TRAF3IP3: variants seen among roughly 807,000 people sequenced by gnomAD.
The protein encoded by TRAF3IP3 is TRAF3-interacting JNK-activating modulator.
TRAF3IP3 carries 64 observed loss-of-function variants against 86.5 expected under a neutral mutation model. The ratio of observed to expected loss-of-function variants is 0.74; its 90% CI spans 0.60 to 0.91. The LOEUF (loss-of-function observed/expected upper bound fraction) is 0.91, where lower values mean the gene tolerates loss of function less well. Among genes scored for constraint, TRAF3IP3 ranks in the 40% least tolerant of loss-of-function variants. The probability of loss-of-function intolerance (pLI) is 0.00; values close to 1 mark genes in which losing one functional copy is unlikely to be tolerated. For synonymous variants in TRAF3IP3, 220 were observed against 243.9 expected (o/e 0.90, Z 0.91); for missense variants, 579 against 642.9 (o/e 0.90, Z 1.07).
At chr1:209,779,135 T>G (rs571611973) in intron 13 of TRAF3IP3, 180 bp from the exon 14 acceptor site, 1 of 603,886 alleles carries the variant, frequency 1.7e-6, no homozygotes, top group African/African-American at 1.9e-5. Context: ...TATCTCCAAA[T>G]AAGGTCATTA....
At position 209,777,993 on chromosome 1, in the gene TRAF3IP3, C is replaced by A. The variant is rs961758270; in HGVS notation, c.1190-118C>A. On this transcript the variant is annotated intron_variant, in intron 12 of 16. Coordinates refer to ENST00000367025, the MANE Select transcript of TRAF3IP3 (RefSeq NM_025228.4). The stretch of plus-strand genomic sequence containing the variant: ...TGGGACACGAAGATAGAGCAACTTC[C>A]AATAGACACACGTTAAAGACCATGA... 2.0e-5 allele frequency: 18 copies of A among 896,168 alleles called. 1 individual carries two copies. In the South Asian group the frequency reaches 2.9e-4, roughly 15 times the overall value. The allele number at this position is 896,168 out of a possible 1,614,324, so 55.5% of individuals were successfully genotyped here. A position where few individuals can be genotyped will look rare whatever the true frequency, so the allele number is the denominator to read the frequency against.
rs750785668 is a variant in TRAF3IP3, at chr1:209,775,458, T to C, written c.884T>C (p.Met295Thr). ...ESLQKVLEEK[M>T]NAEQQLQSTQ... ...CTGCAGAAAGTGCTGGAGGAGAAAA[T>C]GAATGCAGAGCAGCAACTACAGAGC... The change falls in exon 10 of 17, where the codon ATG becomes ACG. Residue 295 changes from methionine to threonine, a missense_variant. Met to Thr is a moderately conservative substitution (Grantham distance 81). Coordinates refer to ENST00000367025, the MANE Select transcript of TRAF3IP3 (RefSeq NM_025228.4). 6.2e-7 allele frequency: 1 copy of C among 1,613,952 alleles called. No homozygotes were observed.
At position 209,777,635 on chromosome 1, in the gene TRAF3IP3, G is replaced by A. The variant is rs945485240; in HGVS notation, c.1189+148G>A. 4 of 818,822 alleles carry A rather than the reference G, an allele frequency of 4.9e-6. No individual in the cohort carries two copies. In the Admixed American group the frequency reaches 9.1e-5, roughly 19 times the overall value. 50.7% of individuals were successfully genotyped at this position (818,822 alleles called of 1,614,324 possible). On this transcript the variant is annotated intron_variant, in intron 12 of 16. Transcript: ENST00000367025. ...TTTATAATCTCATTTTACCTTGAGG[G>A]AGAGGCAGGACTGTTTTAATCATCC...
intron 11 of TRAF3IP3, 151 bp downstream of exon 11, chr1:209,775,887 G>A (rs1390351111): frequency 1.4e-6 from 1 of 693,136 alleles, no homozygotes; most frequent in Non-Finnish European, 2.3e-6. Flanking sequence ...CAAATTCACT[G>A]TTTTGGCTCT....
At chr1:209,764,991 A>G (rs1378489735) in intron 8 of TRAF3IP3, among the ~76,000 whole-genome samples, 4 of 152,162 alleles carry the variant, frequency 2.6e-5, no homozygotes, top group Non-Finnish European at 5.9e-5. Context: ...CCCGGCCAAC[A>G]TGGCAAAACC....
intron 8 of TRAF3IP3, among the ~76,000 whole-genome samples, chr1:209,764,297 G>A (rs1277730498): frequency 1.3e-5 from 2 of 151,972 alleles, no homozygotes; most frequent in Non-Finnish European, 2.9e-5. Flanking sequence ...ACAAAAACAT[G>A]AAAAATAAAA....
At position 209,772,970 on chromosome 1, in the gene TRAF3IP3, T is replaced by C; in HGVS notation, c.725T>C (p.Leu242Pro). The C allele has an allele frequency of 6.2e-7, 1 of 1,613,932 alleles. No individual in the cohort carries two copies. The highest frequency in any genetic ancestry group is 8.5e-7 in the Non-Finnish European group (1 of 1,179,932). Reference sequence around the variant, plus strand: ...CAGGGACAGCTTAATGAAGACAAACTGAAGGGGAAACTGAGATCCTTAGAA... The same window carrying C: ...CAGGGACAGCTTAATGAAGACAAACCGAAGGGGAAACTGAGATCCTTAGAA... ...SWKGQLNEDKLKGKLRSLENQ... is the reference protein window; with the variant it reads ...SWKGQLNEDKPKGKLRSLENQ... The change falls in exon 9 of 17, where the codon CTG (leucine) becomes CCG (proline). Residue 242 changes from leucine to proline, a missense_variant. Physicochemically the swap from Leu to Pro is moderately conservative, Grantham distance 98 (BLOSUM62 -3). Transcript: ENST00000367025.
intron 1 of TRAF3IP3, among the ~76,000 whole-genome samples, chr1:209,757,973 C>T (rs750558617): frequency 6.6e-6 from 1 of 152,124 alleles, no homozygotes; most frequent in African/African-American, 2.4e-5. Context: ...GGTGACAGAG[C>T]CAGGACATGA....
Position 209,762,652 on chromosome 1 carries a change from A to T in TRAF3IP3, c.483A>T (p.Lys161Asn), listed in dbSNP as rs1426548774. 11 of 1,542,732 alleles carry T rather than the reference A, an allele frequency of 7.1e-6. 1 individual carries two copies. Among genetic ancestry groups the T allele is most frequent in the Non-Finnish European group, 9.6e-6 (11 of 1,146,054 alleles). ...PQDTPIKKPP[K>N]HHRGTQTKAE... ...ACACTCCCATCAAGAAGCCACCCAA[A>T]CACCACCGTGGTAAGAGCAGAGCCT... The change falls in exon 4 of 17, where the codon AAA becomes AAT. Residue 161 changes from lysine to asparagine, a missense_variant. Lys to Asn is a moderately conservative substitution (Grantham distance 94). Coordinates refer to ENST00000367025, the MANE Select transcript of TRAF3IP3 (RefSeq NM_025228.4).
chr1:209,771,593 GGT>G (rs546057494), intron 8 of TRAF3IP3, among the ~76,000 whole-genome samples: 105 of 146,918 alleles, frequency 7.1e-4, no homozygotes, highest in African/African-American at 2.4e-3. Flanking sequence ...TGCATGTGGA[GGT>G]GTGTGTGCGC....
chr1:209,772,788 T>C (rs1284739990), intron 8 of TRAF3IP3, among the ~76,000 whole-genome samples, 160 bp from the exon 9 acceptor site: 1 of 152,248 alleles, frequency 6.6e-6, no homozygotes, highest in Non-Finnish European at 1.5e-5. Flanking sequence ...GATCCTCTTC[T>C]ATCCAGCATC....
At chr1:209,777,949 T>C (rs2077693277) in intron 12 of TRAF3IP3, 162 bp from the exon 13 acceptor site, 3 of 647,162 alleles carry the variant, frequency 4.6e-6, no homozygotes, top group East Asian at 5.5e-5. Flanking sequence ...ACTTGGCTTC[T>C]GGTTTACCTC....
At chr1:209,778,247 T>A in intron 13 of TRAF3IP3, 74 bp downstream of exon 13, 11 of 1,289,212 alleles carry the variant, frequency 8.5e-6, no homozygotes, top group Non-Finnish European at 1.2e-5. Flanking sequence ...GCACCCAGAG[T>A]AGGGACTAAG....
rs928573583 is a variant in TRAF3IP3 at position 209,767,056 on chromosome 1, T to C, written c.702+3469T>C. Among the ~76,000 whole-genome samples, 8 of 152,148 alleles carry C rather than the reference T, an allele frequency of 5.3e-5. No homozygotes were observed. The East Asian group carries it at 1.5e-3, about 29-fold the overall frequency. On this transcript the variant is annotated intron_variant, in intron 8 of 16. Coordinates refer to ENST00000367025, the MANE Select transcript of TRAF3IP3 (RefSeq NM_025228.4). The stretch of plus-strand genomic sequence containing the variant: ...TGGGTATAGCAGAGTATGGCTGAAA[T>C]GAAGGTATGCCAGAGTAGTACCAAA...
chr1:209,771,378 T>G (rs1020424658), intron 8 of TRAF3IP3, among the ~76,000 whole-genome samples: 12 of 96,022 alleles, frequency 1.2e-4, no homozygotes, highest in Middle Eastern at 6.5e-3. Flanking sequence ...GAGGTGTGTG[T>G]GCAGGTGGAA....
intron 8 of TRAF3IP3, among the ~76,000 whole-genome samples, chr1:209,772,581 A>G (rs552874284): frequency 4.6e-5 from 7 of 152,286 alleles, no homozygotes; most frequent in African/African-American, 1.4e-4. Flanking sequence ...AAGTCCACGT[A>G]CAAGACTGAG....
chr1:209,763,130 AG>A (rs1169740627), intron 6 of TRAF3IP3, 38 bp downstream of exon 6: 1 of 1,599,036 alleles, frequency 6.3e-7, no homozygotes, highest in African/African-American at 1.3e-5. Flanking sequence ...CAAATCAGAA[AG>A]TATTAAGCTC....
chr1:209,771,446 T>G (rs111205768), intron 8 of TRAF3IP3, among the ~76,000 whole-genome samples: 12 of 122,408 alleles, frequency 9.8e-5, no homozygotes, highest in African/African-American at 3.6e-4. Flanking sequence ...CATGTGGAGG[T>G]GTGTGTGCAT....
chr1:209,771,499 GAA>G (rs2077522961), intron 8 of TRAF3IP3, among the ~76,000 whole-genome samples: 1 of 106,546 alleles, frequency 9.4e-6, no homozygotes, highest in African/African-American at 4.7e-5. Flanking sequence ...GTGTGCATGT[GAA>G]GGTGTGTGTG....
Sources: gnomAD v4.1 joint callset for allele counts (sites outside exome capture counted in the v4.1 genomes callset) on GRCh38, gnomAD v4.1.1 for gene constraint, MANE v1.5 for transcripts, NCBI Gene and HGNC (gene_info 2026-07-23, HGNC 2026-07-21) for gene names.